The following GRM4 variants were observed in gnomAD, a reference collection of about 807,000 sequenced individuals.
The protein encoded by GRM4 is glutamate metabotropic receptor 4.
Under a neutral mutation model 81.7 loss-of-function variants are expected in GRM4, and 28 were observed. The observed-to-expected ratio is 0.34, with a 90% CI of 0.25 to 0.47. The LOEUF is 0.47. Among genes scored for constraint, GRM4 ranks in the 20% least tolerant of loss-of-function variants. The pLI, the probability that GRM4 is intolerant of heterozygous loss-of-function variation, is 1.00. For synonymous variants in GRM4, 488 were observed against 528.8 expected (o/e 0.92, Z 1.06); for missense variants, 948 against 1,290.0 (o/e 0.73, Z 4.06).
At chr6:34,102,598 T>C (rs1053513708) in intron 2 of GRM4, among the ~76,000 whole-genome samples, 1 of 151,966 alleles carries the variant, frequency 6.6e-6, no homozygotes, top group Non-Finnish European at 1.5e-5. Flanking sequence ...CACCTTCACC[T>C]CCTCTGCTTT....
chr6:34,075,836 G>A (rs1326218423), intron 3 of GRM4, among the ~76,000 whole-genome samples: 1 of 152,214 alleles, frequency 6.6e-6, no homozygotes, highest in Non-Finnish European at 1.5e-5. Flanking sequence ...AGGGCAGACT[G>A]TGTCTTTCCC....
Position 34,130,976 on chromosome 6 carries a change from G to A in GRM4, c.519+2002C>T. 6.6e-6 allele frequency among the ~76,000 whole-genome samples: 1 copy of A among 152,226 alleles called. No individual in the cohort carries two copies. Among genetic ancestry groups the A allele is most frequent in the East Asian group, 1.9e-4 (1 of 5,194 alleles). On this transcript the variant is annotated intron_variant, in intron 2 of 10. Coordinates refer to ENST00000538487, the MANE Select transcript of GRM4 (RefSeq NM_000841.4). This position sits in a 1 kb window ranked among gnomAD's most constrained non-coding sequence, Gnocchi z 4.1. ...CCAGGCTGACAAGGAGGAGTCCAAG[G>A]CTTGTCCCCTCTGCTGGATGGCCCA...
intron 10 of GRM4, 146 bp downstream of exon 10, chr6:34,027,974 T>TC: frequency 1.1e-6 from 1 of 883,844 alleles, no homozygotes; most frequent in Non-Finnish European, 1.7e-6. Flanking sequence ...ACCTGTAGCC[T>TC]CAGGGTTCCC....
chr6:34,124,513 G>T (rs1323479790), intron 2 of GRM4, among the ~76,000 whole-genome samples: 1 of 152,218 alleles, frequency 6.6e-6, no homozygotes, highest in Non-Finnish European at 1.5e-5. Context: ...ACCAGGGCAG[G>T]GCTCACCCGA....
chr6:34,089,721 T>C lies in GRM4; in HGVS notation c.736+2162A>G, dbSNP rs1768100968. Among the ~76,000 whole-genome samples the C allele has an allele frequency of 6.6e-6, 1 of 152,196 alleles. No homozygotes were observed. The highest frequency in any genetic ancestry group is 2.4e-5 in the African/African-American group (1 of 41,438). ...AATCTTGAGTAGACTTTATTTTTTCTAACCGCCCAATACTTGATTAGATGT... is the reference window on the plus strand; with the variant it reads ...AATCTTGAGTAGACTTTATTTTTTCCAACCGCCCAATACTTGATTAGATGT... On this transcript the variant is annotated intron_variant, in intron 3 of 10. Transcript: ENST00000538487. The surrounding 1 kb of genome is among the most constrained non-coding windows in gnomAD (Gnocchi z 4.3).
chr6:34,047,110 G>A lies in GRM4; in HGVS notation c.1169-6362C>T, dbSNP rs545091981. 2.1e-4 allele frequency among the ~76,000 whole-genome samples: 32 copies of A among 152,182 alleles called. No homozygotes were observed. The highest frequency in any genetic ancestry group is 5.5e-4 in the African/African-American group (23 of 41,506). On this transcript the variant is annotated intron_variant, in intron 6 of 10. Coordinates refer to ENST00000538487, the MANE Select transcript of GRM4 (RefSeq NM_000841.4). This position sits in a 1 kb window ranked among gnomAD's most constrained non-coding sequence, Gnocchi z 4.5. The stretch of plus-strand genomic sequence containing the variant: ...AATTCCGGATAGTAAGACTTACTTC[G>A]AGGGGCCACTGGGAGGACTGAGGGA...
chr6:34,131,895 C>T (rs1018404900), intron 2 of GRM4, among the ~76,000 whole-genome samples: 2 of 152,044 alleles, frequency 1.3e-5, no homozygotes, highest in African/African-American at 4.8e-5. Context: ...AAGCAGCTTC[C>T]TCTGTGTCCC....
chr6:34,048,798 G>C lies in GRM4; in HGVS notation c.1168+7746C>G, dbSNP rs192349905. On this transcript the variant is annotated intron_variant, in intron 6 of 10. Transcript: ENST00000538487. The surrounding 1 kb of genome is among the most constrained non-coding windows in gnomAD (Gnocchi z 4.0). ...CTTCCCCTCTCGCCTTCTCTCTCCTGTTCCACCATGGTAAGCCGTGCTTGC... is the reference window on the plus strand; with the variant it reads ...CTTCCCCTCTCGCCTTCTCTCTCCTCTTCCACCATGGTAAGCCGTGCTTGC... 2.4e-3 allele frequency among the ~76,000 whole-genome samples: 367 copies of C among 152,144 alleles called. No homozygotes were observed. Among genetic ancestry groups the C allele is most frequent in the African/African-American group, 8.5e-3 (351 of 41,484 alleles).
intron 2 of GRM4, among the ~76,000 whole-genome samples, chr6:34,124,663 T>TC (rs1380606316): frequency 2.0e-5 from 3 of 152,140 alleles, no homozygotes; most frequent in African/African-American, 7.2e-5. Flanking sequence ...TTCTCTAAAC[T>TC]CCCCAAGTGA....
chr6:34,140,669 A>G (rs935490837), intron 1 of GRM4, among the ~76,000 whole-genome samples: 34 of 152,118 alleles, frequency 2.2e-4, no homozygotes, highest in South Asian at 2.1e-4. Flanking sequence ...GCAAGCCCCA[A>G]CCATGCAGAC....
At chr6:34,140,613 G>C (rs958458811) in intron 1 of GRM4, among the ~76,000 whole-genome samples, 1 of 152,138 alleles carries the variant, frequency 6.6e-6, no homozygotes, top group African/African-American at 2.4e-5. Context: ...CCCAGAGCCA[G>C]GGGACCAGCC....
intron 3 of GRM4, among the ~76,000 whole-genome samples, chr6:34,088,991 T>C (rs1296162587): frequency 6.6e-6 from 1 of 152,104 alleles, no homozygotes; most frequent in Non-Finnish European, 1.5e-5. Context: ...AGAGCCAGGT[T>C]CCCATCCCAG....
In GRM4 at chr6:34,078,613, T is replaced by G. The variant is rs898313114; in HGVS notation, c.736+13270A>C. 2.6e-5 allele frequency among the ~76,000 whole-genome samples: 4 copies of G among 152,112 alleles called. No homozygotes were observed. The highest frequency in any genetic ancestry group is 5.9e-5 in the Non-Finnish European group (4 of 68,008). ...TCCTACCTGTGAAATGGGGTGGGCA[T>G]GGAGGCTCAGGGAGATGGTCACAGG... is the stretch of plus-strand genomic sequence containing the variant. On this transcript the variant is annotated intron_variant, in intron 3 of 10. Coordinates refer to ENST00000538487, the MANE Select transcript of GRM4 (RefSeq NM_000841.4). This position sits in a 1 kb window ranked among gnomAD's most constrained non-coding sequence, Gnocchi z 4.8.
At chr6:34,071,916 CA>C (rs1766901551) in intron 3 of GRM4, among the ~76,000 whole-genome samples, 3 of 1,284 alleles carry the variant, frequency 2.3e-3, no homozygotes, top group Non-Finnish European at 2.2e-3. Context: ...CCACACACCA[CA>C]CAGATACACA....
rs71567426 is a variant in GRM4 at position 34,118,291 on chromosome 6, G to A, written c.519+14687C>T. Among the ~76,000 whole-genome samples, 1,149 of 152,288 alleles carry A rather than the reference G, an allele frequency of 7.5e-3. 8 individuals carry two copies. Among genetic ancestry groups the A allele is most frequent in the Middle Eastern group, 0.027 (8 of 294 alleles). ...ACAGGGACCCATGGCTGCCTGTTCC[G>A]TGCTTAATGGGATAGAGCAAGGGCT... is the stretch of plus-strand genomic sequence containing the variant. On this transcript the variant is annotated intron_variant, in intron 2 of 10. Transcript: ENST00000538487.
intron 9 of GRM4, among the ~76,000 whole-genome samples, chr6:34,031,727 G>A (rs1331432880): frequency 1.3e-5 from 2 of 152,162 alleles, no homozygotes; most frequent in African/African-American, 4.8e-5. Context: ...CTGGAAATCC[G>A]GGCTAAGGCT....
Position 34,089,976 on chromosome 6 carries a change from T to C in GRM4, c.736+1907A>G, listed in dbSNP as rs1768116751. 6.6e-6 allele frequency among the ~76,000 whole-genome samples: 1 copy of C among 152,194 alleles called. No individual in the cohort carries two copies. Among genetic ancestry groups the C allele is most frequent in the Admixed American group, 6.5e-5 (1 of 15,278 alleles). The stretch of plus-strand genomic sequence containing the variant: ...AGAGTACAGAAACAGATGAGACCTC[T>C]AGTTCCGGAGCCAGCCATCCTGGGT... On this transcript the variant is annotated intron_variant, in intron 3 of 10. Coordinates refer to ENST00000538487, the MANE Select transcript of GRM4 (RefSeq NM_000841.4). The surrounding 1 kb of genome is among the most constrained non-coding windows in gnomAD (Gnocchi z 4.3).
In GRM4 at chr6:34,092,720, G is replaced by A. The variant is rs1302665907; in HGVS notation, c.520-621C>T. Among the ~76,000 whole-genome samples, 2 of 152,112 alleles carry A rather than the reference G, an allele frequency of 1.3e-5. No individual in the cohort carries two copies. Among genetic ancestry groups the A allele is most frequent in the Non-Finnish European group, 2.9e-5 (2 of 67,996 alleles). ...TGGAGCTGGGGACACTGAGCCCAGA[G>A]AGTCACCACCCTGCCGGGTCCCACA... On this transcript the variant is annotated intron_variant, in intron 2 of 10. Transcript: ENST00000538487. The surrounding 1 kb of genome is among the most constrained non-coding windows in gnomAD (Gnocchi z 6.8).
At chr6:34,050,417 G>C (rs566275969) in intron 6 of GRM4, among the ~76,000 whole-genome samples, 1 of 152,286 alleles carries the variant, frequency 6.6e-6, no homozygotes, top group East Asian at 1.9e-4. Flanking sequence ...TCATGGTAAT[G>C]AGTGAGTTCT....
Sources: gnomAD v4.1 joint callset for allele counts (sites outside exome capture counted in the v4.1 genomes callset) on GRCh38, gnomAD v4.1.1 for gene constraint, Gnocchi (gnomAD v3.1) non-coding constraint, MANE v1.5 for transcripts, NCBI Gene and HGNC (gene_info 2026-07-23, HGNC 2026-07-21) for gene names.